Variants in LUZP2 observed in about 807,000 individuals in gnomAD.
LUZP2 encodes leucine zipper protein 2.
Under a neutral mutation model 51.6 loss-of-function variants are expected in LUZP2, and 52 were observed. The ratio of observed to expected loss-of-function variants is 1.01; its 90% CI spans 0.81 to 1.27. The LOEUF (loss-of-function observed/expected upper bound fraction) is 1.27. Ranked by LOEUF, LUZP2 falls within the 50% of genes most tolerant of loss-of-function variation. The pLI is 0.00. For missense variants in LUZP2, 436 were observed against 395.4 expected (o/e 1.10, Z -0.87); for synonymous variants, 154 against 137.3 (o/e 1.12, Z -0.85).
intron 7 of LUZP2, among the ~76,000 whole-genome samples, chr11:24,961,486 C>T (rs1855403790): frequency 6.6e-6 from 1 of 152,190 alleles, no homozygotes; most frequent in Non-Finnish European, 1.5e-5. Context: ...GAATTGATCC[C>T]TTTACCATTA....
intron 1 of LUZP2, among the ~76,000 whole-genome samples, chr11:24,671,485 AGGT>A (rs1856400426): frequency 6.6e-6 from 1 of 152,040 alleles, no homozygotes; most frequent in Non-Finnish European, 1.5e-5. Context: ...ACAAAATGCT[AGGT>A]GTTAAAGTCT....
chr11:24,922,909 C>T (rs1854111171), intron 7 of LUZP2, among the ~76,000 whole-genome samples: 1 of 127,942 alleles, frequency 7.8e-6, no homozygotes, highest in African/African-American at 3.0e-5. Context: ...AGTGCAGTGG[C>T]ACGATCTCGG....
chr11:24,881,975 G>A (rs898031752), intron 5 of LUZP2, among the ~76,000 whole-genome samples: 2 of 151,794 alleles, frequency 1.3e-5, no homozygotes, highest in African/African-American at 4.8e-5. Context: ...TTTGTTATCT[G>A]TTACTCAATT....
rs1185397119 is a variant in LUZP2, at chr11:24,583,743, G to T, written c.62+86438G>T. Among the ~76,000 whole-genome samples the T allele has an allele frequency of 5.4e-5, 8 of 147,872 alleles. No homozygotes were observed. The Admixed American group carries it at 5.5e-4, about 10-fold the overall frequency. ...TTTTGAGATGGAGTCTCGCTCTGTC[G>T]CCCAGGCTGGAGCTCAGTGGGGCGA... On this transcript the variant is annotated intron_variant, in intron 1 of 11. Transcript: ENST00000336930.
At chr11:24,908,098 A>T (rs1853513907) in intron 6 of LUZP2, among the ~76,000 whole-genome samples, 1 of 152,192 alleles carries the variant, frequency 6.6e-6, no homozygotes, top group Admixed American at 6.5e-5. Context: ...TACCAAAAAC[A>T]AAATACTAAT....
rs1200311045 is a variant in LUZP2, at chr11:24,815,463, C to T, written c.396+52155C>T. Reference sequence around the variant, plus strand: ...ATTGGATGTTTTGATACCTAATACTCGTCTTTAGTGAGGAATTTTAGGAAG... The same window carrying T: ...ATTGGATGTTTTGATACCTAATACTTGTCTTTAGTGAGGAATTTTAGGAAG... On this transcript the variant is annotated intron_variant, in intron 5 of 11. Transcript: ENST00000336930. 4.4e-4 allele frequency among the ~76,000 whole-genome samples: 67 copies of T among 152,184 alleles called. 1 individual carries two copies. Among genetic ancestry groups the T allele is most frequent in the East Asian group, 3.9e-4 (2 of 5,162 alleles).
chr11:25,036,421 A>G (rs917698924), intron 9 of LUZP2, among the ~76,000 whole-genome samples: 2 of 151,204 alleles, frequency 1.3e-5, no homozygotes, highest in Admixed American at 6.6e-5. Flanking sequence ...TGAAGAACCA[A>G]CTCGGTTTCA....
intron 4 of LUZP2, chr11:24,763,002 G>T (rs1860036882): frequency 1.1e-6 from 1 of 910,222 alleles, no homozygotes; most frequent in Admixed American, 6.3e-5. Flanking sequence ...AAAGTGTAGG[G>T]TTTCTCAATT....
chr11:24,514,856 A>C (rs1175481694), intron 1 of LUZP2, among the ~76,000 whole-genome samples: 1 of 152,186 alleles, frequency 6.6e-6, no homozygotes, highest in Non-Finnish European at 1.5e-5. Context: ...TGGCTCAAGG[A>C]AAGCTAAATT....
At chr11:24,921,612 A>G (rs1192391628) in intron 7 of LUZP2, among the ~76,000 whole-genome samples, 1 of 152,156 alleles carries the variant, frequency 6.6e-6, no homozygotes, top group African/African-American at 2.4e-5. Flanking sequence ...ATTTTTTATT[A>G]CAGGAACATT....
chr11:24,766,998 G>A (rs959495564), intron 5 of LUZP2, among the ~76,000 whole-genome samples: 1 of 152,108 alleles, frequency 6.6e-6, no homozygotes, highest in African/African-American at 2.4e-5. Context: ...CTGACCTCAG[G>A]TGTGATCCAC....
At chr11:25,000,097 G>T (rs1319371305) in intron 9 of LUZP2, among the ~76,000 whole-genome samples, 1 of 151,780 alleles carries the variant, frequency 6.6e-6, no homozygotes, top group Non-Finnish European at 1.5e-5. Context: ...GTGCTGATTG[G>T]TGCGGTTACA....
chr11:24,630,323 G>C (rs1854835254), intron 1 of LUZP2, among the ~76,000 whole-genome samples: 1 of 151,822 alleles, frequency 6.6e-6, no homozygotes, highest in African/African-American at 2.4e-5. Context: ...TATAGTTTCA[G>C]GACTTCCATT....
In LUZP2 at chr11:25,003,376, C is replaced by T. The variant is rs569810115; in HGVS notation, c.765+20083C>T. Among the ~76,000 whole-genome samples, 244 of 152,214 alleles carry T rather than the reference C, an allele frequency of 1.6e-3. 2 individuals carry two copies. The highest frequency in any genetic ancestry group is 2.7e-3 in the Non-Finnish European group (184 of 68,016). On this transcript the variant is annotated intron_variant, in intron 9 of 11. Transcript: ENST00000336930. ...AGAAACTGGGGAGTCAGAGTGCAGG[C>T]GAATACAGAAGAAGGCATCCTTGAG...
At chr11:24,854,669 A>G (rs1590643511) in intron 5 of LUZP2, among the ~76,000 whole-genome samples, 2 of 438 alleles carry the variant, frequency 4.6e-3, no homozygotes. Flanking sequence ...TGGGATATGA[A>G]AAAAAAAAAA....
intron 1 of LUZP2, among the ~76,000 whole-genome samples, chr11:24,566,079 T>C (rs374709579): frequency 6.6e-6 from 1 of 151,692 alleles, no homozygotes; most frequent in East Asian, 1.9e-4. Flanking sequence ...CATGTACATA[T>C]AGAAAAAATG....
intron 4 of LUZP2, among the ~76,000 whole-genome samples, chr11:24,761,314 A>G (rs1034349639): frequency 1.3e-5 from 2 of 152,082 alleles, no homozygotes; most frequent in Admixed American, 6.6e-5. Flanking sequence ...ATACTTTTAA[A>G]CAATCATATC....
chr11:24,687,449 G>C (rs975016789), intron 1 of LUZP2, among the ~76,000 whole-genome samples: 2 of 152,112 alleles, frequency 1.3e-5, no homozygotes, highest in Non-Finnish European at 2.9e-5. Flanking sequence ...TTTAATCCTT[G>C]TAATAAACCT....
At chr11:24,771,669 G>A (rs1860423801) in intron 5 of LUZP2, among the ~76,000 whole-genome samples, 1 of 151,986 alleles carries the variant, frequency 6.6e-6, no homozygotes, top group Non-Finnish European at 1.5e-5. Flanking sequence ...GTTTGGCTGT[G>A]TCCCTACCCA....
Sources: allele counts gnomAD v4.1 joint callset (sites outside exome capture counted in the v4.1 genomes callset), GRCh38; gene constraint gnomAD v4.1.1; transcripts MANE v1.5; gene names NCBI Gene and HGNC (gene_info 2026-07-23, HGNC 2026-07-21).